Variants in LMNA observed in about 807,000 individuals in gnomAD.
The protein encoded by LMNA is lamin.
A neutral mutation model predicts 70.4 loss-of-function variants in LMNA; 20 were observed. That is an observed-to-expected ratio of 0.28 (90% CI 0.20 to 0.41). The LOEUF is 0.41. LMNA is among the 10% of genes least tolerant of loss of function. The pLI is 1.00. For synonymous variants in LMNA, 339 were observed against 372.8 expected, an observed-to-expected ratio of 0.91 and a Z score of 1.04; for missense variants, 652 against 917.2, an observed-to-expected ratio of 0.71 and a Z score of 3.73.
intron 1 of LMNA, chr1:156,130,015 A>G (rs1182090571): frequency 1.5e-6 from 1 of 651,362 alleles, no homozygotes; most frequent in Non-Finnish European, 2.8e-6. Context: ...CTGAGAAAGG[A>G]AAGGGTCAAT....
At chr1:156,120,173 C>T (rs534533987) in intron 1 of LMNA, among the ~76,000 whole-genome samples, 13 of 152,340 alleles carry the variant, frequency 8.5e-5, no homozygotes, top group African/African-American at 2.9e-4. Flanking sequence ...ATGCAGGCTC[C>T]AGTTCATGTA....
At chr1:156,109,739 G>A (rs1443377963), upstream of LMNA, 1 of 151,630 alleles carries the variant, frequency 6.6e-6, no homozygotes, top group East Asian at 1.9e-4. Context: ...TATAAAGATT[G>A]TTAAAATGTA....
rs372903776 is a variant in LMNA, at chr1:156,120,557, C to G, written c.356+5283C>G. ...CAGTCTGGGCAACATAGCAAGACCC[C>G]CTTCTGTACAAAAAAATTAGCCGGT... On this transcript the variant is annotated intron_variant, in intron 1 of 11. Coordinates refer to ENST00000368300, the MANE Select transcript of LMNA (RefSeq NM_170707.4). Among the ~76,000 whole-genome samples, 53 of 152,044 alleles carry G rather than the reference C, an allele frequency of 3.5e-4. 1 individual carries two copies. Among genetic ancestry groups the G allele is most frequent in the African/African-American group, 1.2e-3 (48 of 41,396 alleles).
rs1464662269 is a variant in LMNA, at chr1:156,103,907, G to T, written c.-206-10806G>T. On this transcript the variant is annotated intron_variant, in intron 3 of 12. Coordinates refer to the LMNA transcript ENST00000368301. The surrounding 1 kb of genome is among the most constrained non-coding windows in gnomAD (Gnocchi z 4.7). ...CCCTGCCCTTTCGAAGCCTCTAGTG[G>T]AGTCACTCCTTTCCTTCCCCGAACC... 6.6e-6 allele frequency among the ~76,000 whole-genome samples: 1 copy of T among 152,104 alleles called. No individual in the cohort carries two copies. The highest frequency in any genetic ancestry group is 1.5e-5 in the Non-Finnish European group (1 of 68,014).
intron 3 of LMNA, among the ~76,000 whole-genome samples, chr1:156,101,036 G>T (rs971699789): frequency 1.3e-5 from 2 of 152,110 alleles, no homozygotes; most frequent in African/African-American, 4.8e-5. Flanking sequence ...GAGAGGTTGA[G>T]ATTGCTGGAA....
Position 156,139,409 on chromosome 1 carries a change from G to T in LMNA, c.*303G>T. ...CACATCTGCCTTAAAACCAAAGAGG[G>T]CTTCCTCTAGAAGCCAAGGGAAAGG... is the stretch of plus-strand genomic sequence containing the variant. On this transcript the variant is annotated 3_prime_UTR_variant, in exon 12 of 12. Coordinates refer to ENST00000368300, the MANE Select transcript of LMNA (RefSeq NM_170707.4). 1 of 1,361,928 alleles carries T rather than the reference G, an allele frequency of 7.3e-7. No individual in the cohort carries two copies. Among genetic ancestry groups the T allele is most frequent in the Non-Finnish European group, 9.4e-7 (1 of 1,060,112 alleles). The allele number at this position is 1,361,928 out of a possible 1,614,324, so 84.4% of individuals were successfully genotyped here.
chr1:156,129,385 T>A (rs531314303), intron 1 of LMNA, among the ~76,000 whole-genome samples: 1 of 152,344 alleles, frequency 6.6e-6, no homozygotes, highest in East Asian at 1.9e-4. Flanking sequence ...AATCTAGCCT[T>A]CCCTATCCCT....
At chr1:156,125,354 C>A (rs989173074) in intron 1 of LMNA, among the ~76,000 whole-genome samples, 1 of 152,066 alleles carries the variant, frequency 6.6e-6, no homozygotes, top group African/African-American at 2.4e-5. Flanking sequence ...CAGAAGACGC[C>A]CTGTCACATG....
At position 156,138,084 on chromosome 1, in the gene LMNA, G is replaced by A; in HGVS notation, c.1698+341G>A. ...CGCCCTGCCTCTCTCCCCCATTCTT[G>A]TTGCATGCATATCCTCTCATTTCCC... On this transcript the variant is annotated intron_variant, in intron 10 of 11. Coordinates refer to ENST00000368300, the MANE Select transcript of LMNA (RefSeq NM_170707.4). The surrounding 1 kb of genome is among the most constrained non-coding windows in gnomAD (Gnocchi z 5.5). 1 of 536,068 alleles carries A rather than the reference G, an allele frequency of 1.9e-6. No homozygotes were observed. Among genetic ancestry groups the A allele is most frequent in the Non-Finnish European group, 3.4e-6 (1 of 297,650 alleles). The allele number at this position is 536,068 out of a possible 1,614,324, so 33.2% of individuals were successfully genotyped here.
In LMNA at chr1:156,121,209, C is replaced by T. The variant is rs73004978; in HGVS notation, c.356+5935C>T. Among the ~76,000 whole-genome samples, 535 of 151,884 alleles carry T rather than the reference C, an allele frequency of 3.5e-3. 5 individuals are homozygous for T. Among genetic ancestry groups the T allele is most frequent in the African/African-American group, 0.013 (519 of 41,404 alleles). ...GGACTATAGGCACGTGCCACATGCTCGGCTAATTTTTCTATTTTTAGTAGA... is the reference window on the plus strand; with the variant it reads ...GGACTATAGGCACGTGCCACATGCTTGGCTAATTTTTCTATTTTTAGTAGA... On this transcript the variant is annotated intron_variant, in intron 1 of 11. Coordinates refer to ENST00000368300, the MANE Select transcript of LMNA (RefSeq NM_170707.4).
chr1:156,134,826 C>T lies in LMNA; in HGVS notation c.661C>T (p.Arg221Cys), dbSNP rs869025457. ...YSEELRETKRRHETRLVEIDN... is the reference protein window; with the variant it reads ...YSEELRETKRCHETRLVEIDN... ...CCAGGAGCTGCGTGAGACCAAGCGC[C>T]GTCATGAGACCCGACTGGTGGAGAT... The change falls in exon 4 of 12, where the codon CGT (arginine) becomes TGT (cysteine). Residue 221 changes from arginine (R) to cysteine (C), a missense_variant. Physicochemically the swap from Arg to Cys is radical, Grantham distance 180. This residue lies in a region of LMNA where 254 missense variants were observed against 421.9 expected (regional missense o/e 0.60). Transcript: ENST00000368300. The surrounding 1 kb of genome is among the most constrained non-coding windows in gnomAD (Gnocchi z 5.3). 6.8e-6 allele frequency: 11 copies of T among 1,614,164 alleles called. No individual in the cohort carries two copies. The highest frequency in any genetic ancestry group is 9.3e-6 in the Non-Finnish European group (11 of 1,180,028).
Position 156,134,851 on chromosome 1 carries a change from T to A in LMNA, c.686T>A (p.Ile229Asn). 1 of 1,614,156 alleles carries A rather than the reference T, an allele frequency of 6.2e-7. No individual in the cohort carries two copies. Among genetic ancestry groups the A allele is most frequent in the South Asian group, 1.1e-5 (1 of 91,080 alleles). Reference protein sequence around the residue: ...KRRHETRLVEIDNGKQREFES... With the variant: ...KRRHETRLVENDNGKQREFES... Reference sequence around the variant, plus strand: ...CGTCATGAGACCCGACTGGTGGAGATTGACAATGGGAAGCAGCGTGAGTTT... The same window carrying A: ...CGTCATGAGACCCGACTGGTGGAGAATGACAATGGGAAGCAGCGTGAGTTT... The change falls in exon 4 of 12, where the codon ATT becomes AAT. Residue 229 changes from isoleucine (I) to asparagine (N), a missense_variant. This residue lies in a region of LMNA where 254 missense variants were observed against 421.9 expected (regional missense o/e 0.60). Transcript: ENST00000368300. This position sits in a 1 kb window ranked among gnomAD's most constrained non-coding sequence, Gnocchi z 5.3.
chr1:156,127,198 T>TG (rs1650660727), intron 1 of LMNA, among the ~76,000 whole-genome samples: 1 of 152,056 alleles, frequency 6.6e-6, no homozygotes, highest in Non-Finnish European at 1.5e-5. Context: ...AAATGGCACT[T>TG]GGGGGCGGGG....
Position 156,138,428 on chromosome 1 carries a change from TG to T in LMNA, c.1699-57del. The T allele has an allele frequency of 1.3e-6, 2 of 1,573,934 alleles. No homozygotes were observed. Reference sequence around the variant, plus strand: ...AGCCTGCAGGAGCCTGGAGCCTGGTTGGGCCTGAGTGGTCAGTCCCAGACTC... The same window carrying T: ...AGCCTGCAGGAGCCTGGAGCCTGGTTGGCCTGAGTGGTCAGTCCCAGACTC... On this transcript the variant is annotated intron_variant, in intron 10 of 11. Transcript: ENST00000368300. The surrounding 1 kb of genome is among the most constrained non-coding windows in gnomAD (Gnocchi z 5.5).
Position 156,138,976 on chromosome 1 carries a change from G to A in LMNA, c.1969-104G>A. ...TGGAGGGCAGGGGCAGGGCTGGAGTGTGAGGGATGGGGGAGATGCTACCTC... is the reference window on the plus strand; with the variant it reads ...TGGAGGGCAGGGGCAGGGCTGGAGTATGAGGGATGGGGGAGATGCTACCTC... On this transcript the variant is annotated intron_variant, in intron 11 of 11. Transcript: ENST00000368300. This position sits in a 1 kb window ranked among gnomAD's most constrained non-coding sequence, Gnocchi z 5.5. The A allele has an allele frequency of 7.2e-7, 1 of 1,395,016 alleles. No homozygotes were observed. Among genetic ancestry groups the A allele is most frequent in the Non-Finnish European group, 1.0e-6 (1 of 982,550 alleles). 86.4% of individuals were successfully genotyped at this position (1,395,016 alleles called of 1,614,324 possible).
chr1:156,126,204 A>G, intron 1 of LMNA: 1 of 1,526,262 alleles, frequency 6.6e-7, no homozygotes, highest in Non-Finnish European at 8.8e-7. Flanking sequence ...CTGCCTGGCA[A>G]TGGGGAACTC....
chr1:156,087,021 G>C (rs1648505407), intron 2 of LMNA, among the ~76,000 whole-genome samples: 1 of 152,040 alleles, frequency 6.6e-6, no homozygotes, highest in African/African-American at 2.4e-5. Context: ...AAGGGATGGG[G>C]GTGCACACCT....
chr1:156,111,096 C>T (rs989494171), upstream of LMNA, among the ~76,000 whole-genome samples: 1 of 152,120 alleles, frequency 6.6e-6, no homozygotes, highest in Non-Finnish European at 1.5e-5. Flanking sequence ...AGAGGAAACA[C>T]TAGGATGCTA....
chr1:156,140,045 T>C lies in LMNA; in HGVS notation c.*939T>C. The C allele has an allele frequency of 1.9e-6, 1 of 517,964 alleles. No homozygotes were observed. The highest frequency in any genetic ancestry group is 3.6e-5 in the East Asian group (1 of 28,022). The allele number at this position is 517,964 out of a possible 1,614,324, so 32.1% of individuals were successfully genotyped here. On this transcript the variant is annotated 3_prime_UTR_variant, in exon 12 of 12. Coordinates refer to ENST00000368300, the MANE Select transcript of LMNA (RefSeq NM_170707.4). ...CCTCCCCATTTCCCATCTGCACCCC[T>C]TCTCTCCTCCCCAAATCAATACACT...
Sources: allele counts gnomAD v4.1 joint callset (sites outside exome capture counted in the v4.1 genomes callset), GRCh38; gene constraint gnomAD v4.1.1; regional missense constraint gnomAD v4.1.1; non-coding constraint Gnocchi (gnomAD v3.1); transcripts MANE v1.5; gene names NCBI Gene and HGNC (gene_info 2026-07-23, HGNC 2026-07-21).